Variants in MAP1LC3B observed in about 807,000 individuals in gnomAD.
The protein encoded by MAP1LC3B is microtubule-associated protein 1 light chain 3 beta.
MAP1LC3B carries 12 observed loss-of-function variants against 16.7 expected under a neutral mutation model. The observed-to-expected ratio is 0.72, with a 90% CI of 0.46 to 1.16. The LOEUF (loss-of-function observed/expected upper bound fraction) is 1.16, where lower values mean the gene tolerates loss of function less well. Ranked by LOEUF, MAP1LC3B falls within the 50% of genes most tolerant of loss-of-function variation. The pLI is 0.00. For missense variants in MAP1LC3B, 155 were observed against 159.5 expected, an observed-to-expected ratio of 0.97 and a Z score of 0.15; for synonymous variants, 63 against 56.5, an observed-to-expected ratio of 1.11 and a Z score of -0.51.
chr16:87,397,001 T>C (rs1257689078), intron 1 of MAP1LC3B: 1 of 152,082 alleles, frequency 6.6e-6, no homozygotes, highest in East Asian at 1.9e-4. Context: ...CTCATTTTTG[T>C]ATTTTTAGTA....
chr16:87,392,516 C>T (rs1907620219), intron 1 of MAP1LC3B, 49 bp downstream of exon 1: 2 of 1,268,828 alleles, frequency 1.6e-6, no homozygotes, highest in Admixed American at 4.3e-5. Flanking sequence ...GGGGTCCGAG[C>T]TGTGGAGGGC....
chr16:87,393,603 C>T (rs562506337), intron 1 of MAP1LC3B, among the ~76,000 whole-genome samples: 2 of 152,304 alleles, frequency 1.3e-5, no homozygotes, highest in South Asian at 2.1e-4. Context: ...TTCAGACAGC[C>T]TCTTGAGGCA....
chr16:87,402,089 C>T (rs1908014256), intron 2 of MAP1LC3B, 86 bp from the exon 3 acceptor site: 2 of 1,337,538 alleles, frequency 1.5e-6, no homozygotes, highest in Middle Eastern at 2.2e-4. Context: ...CCCGCCTCGG[C>T]CTCCCAAAAT....
intron 1 of MAP1LC3B, among the ~76,000 whole-genome samples, chr16:87,395,263 G>C (rs1907758019): frequency 6.6e-6 from 1 of 152,178 alleles, no homozygotes; most frequent in Non-Finnish European, 1.5e-5. Context: ...ATCTGGGGAA[G>C]CAGGTTAGAT....
intron 2 of MAP1LC3B, chr16:87,399,610 A>G (rs753155649): frequency 2.2e-6 from 1 of 455,512 alleles, no homozygotes; most frequent in African/African-American, 2.0e-5. Flanking sequence ...TGGAAGAATT[A>G]CTGTATATAG....
Position 87,392,369 on chromosome 16 carries a change from C to T in MAP1LC3B, c.-59C>T, listed in dbSNP as rs1034936557. On this transcript the variant is annotated 5_prime_UTR_variant, in exon 1 of 4. Coordinates refer to ENST00000268607, the MANE Select transcript of MAP1LC3B (RefSeq NM_022818.5). The stretch of plus-strand genomic sequence containing the variant: ...ATTCGCCGCCGCAGCAGCCGCCGCC[C>T]CCGGGAGCCGCCGGGACCCTCGCGT... 16 of 1,378,876 alleles carry T rather than the reference C, an allele frequency of 1.2e-5. No individual in the cohort carries two copies. The highest frequency in any genetic ancestry group is 9.3e-5 in the East Asian group (3 of 32,100). 85.4% of individuals were successfully genotyped at this position (1,378,876 alleles called of 1,614,324 possible). A position where few individuals can be genotyped will look rare whatever the true frequency, so the allele number is the denominator to read the frequency against.
At chr16:87,401,002 G>C (rs553312040) in intron 2 of MAP1LC3B, among the ~76,000 whole-genome samples, 1 of 151,824 alleles carries the variant, frequency 6.6e-6, no homozygotes, top group Non-Finnish European at 1.5e-5. Flanking sequence ...GCGTGGTGGC[G>C]GGTGCCTGTA....
chr16:87,395,852 C>CTTTTT (rs72388667), intron 1 of MAP1LC3B, among the ~76,000 whole-genome samples: 1 of 53,834 alleles, frequency 1.9e-5, no homozygotes, highest in Non-Finnish European at 3.2e-5. Flanking sequence ...TCCTTCTTTC[C>CTTTTT]TTTTTTTTTT....
At chr16:87,398,086 A>G (rs1465697205) in intron 1 of MAP1LC3B, among the ~76,000 whole-genome samples, 1 of 151,484 alleles carries the variant, frequency 6.6e-6, no homozygotes. Context: ...GCAGTGGTGC[A>G]ATGTCCGCTC....
chr16:87,404,019 TCC>T lies in MAP1LC3B; in HGVS notation c.*923_*924del, dbSNP rs1436491605. 4.6e-5 allele frequency: 7 copies of T among 152,110 alleles called. No individual in the cohort carries two copies. The highest frequency in any genetic ancestry group is 8.8e-5 in the Non-Finnish European group (6 of 68,018). 9.4% of individuals were successfully genotyped at this position (152,110 alleles called of 1,614,324 possible). On this transcript the variant is annotated 3_prime_UTR_variant, in exon 4 of 4. Transcript: ENST00000268607. Reference sequence around the variant, plus strand: ...CCTTCCGGCTTAAAGCTGTGGATGATCCACGTTTTTGTTTTTTTAATGTTAAA... The same window carrying T: ...CCTTCCGGCTTAAAGCTGTGGATGATACGTTTTTGTTTTTTTAATGTTAAA...
intron 1 of MAP1LC3B, among the ~76,000 whole-genome samples, chr16:87,396,531 T>G (rs1907813040): frequency 6.6e-6 from 1 of 152,126 alleles, no homozygotes; most frequent in Non-Finnish European, 1.5e-5. Flanking sequence ...TTTAGATTTA[T>G]TAGGATAAGC....
intron 2 of MAP1LC3B, among the ~76,000 whole-genome samples, chr16:87,401,776 G>T (rs1406955780): frequency 6.6e-6 from 1 of 151,574 alleles, no homozygotes; most frequent in African/African-American, 2.4e-5. Context: ...GTGATCTGCT[G>T]GCCTCACCCT....
intron 1 of MAP1LC3B, among the ~76,000 whole-genome samples, chr16:87,393,470 AAG>A (rs1191306956): frequency 1.3e-5 from 2 of 152,166 alleles, no homozygotes; most frequent in African/African-American, 4.8e-5. Context: ...GGAGTCTAGA[AAG>A]AGTTTAGCAT....
rs778084073 is a variant in MAP1LC3B, at chr16:87,402,994, C to G, written c.275C>G (p.Ser92Cys). The G allele has an allele frequency of 1.3e-5, 21 of 1,613,890 alleles. No individual in the cohort carries two copies. The highest frequency in any genetic ancestry group is 1.8e-5 in the Non-Finnish European group (21 of 1,179,936). ...AACGGACACAGCATGGTCAGCGTCT[C>G]CACACCAATCTCAGAGGTGTATGAG... ...LVNGHSMVSV[S>C]TPISEVYESE... The change falls in exon 4 of 4, where the codon TCC becomes TGC. Residue 92 changes from serine (S) to cysteine (C), a missense_variant. By Grantham distance (112) the Ser-to-Cys change is moderately radical. Coordinates refer to ENST00000268607, the MANE Select transcript of MAP1LC3B (RefSeq NM_022818.5).
intron 3 of MAP1LC3B, chr16:87,402,601 CTG>C (rs1159360678): frequency 1.4e-4 from 77 of 534,004 alleles, no homozygotes; most frequent in African/African-American, 4.4e-4. Context: ...AATGTAGACT[CTG>C]TGAGTGGCAG....
At position 87,402,235 on chromosome 16, in the gene MAP1LC3B, C is replaced by T. The variant is rs149663518; in HGVS notation, c.157C>T (p.Leu53Phe). 1.2e-6 allele frequency: 2 copies of T among 1,614,032 alleles called. No homozygotes were observed. Among genetic ancestry groups the T allele is most frequent in the Non-Finnish European group, 1.7e-6 (2 of 1,180,026 alleles). The change falls in exon 3 of 4, where the codon CTT becomes TTT. Residue 53 changes from leucine (L) to phenylalanine (F), a missense_variant. Physicochemically the swap from Leu to Phe is conservative, Grantham distance 22 (BLOSUM62 0). Coordinates refer to ENST00000268607, the MANE Select transcript of MAP1LC3B (RefSeq NM_022818.5). ...QLPVLDKTKF[L>F]VPDHVNMSEL... Reference sequence around the variant, plus strand: ...TCCTGTTCTGGATAAAACAAAGTTCCTTGTACCTGACCATGTCAACATGAG... The same window carrying T: ...TCCTGTTCTGGATAAAACAAAGTTCTTTGTACCTGACCATGTCAACATGAG...
At position 87,404,190 on chromosome 16, in the gene MAP1LC3B, C is replaced by A. The variant is rs1266294546; in HGVS notation, c.*1093C>A. 2.0e-5 allele frequency: 3 copies of A among 152,206 alleles called. No homozygotes were observed. Among genetic ancestry groups the A allele is most frequent in the African/African-American group, 7.2e-5 (3 of 41,444 alleles). The allele number at this position is 152,206 out of a possible 1,614,324, so 9.4% of individuals were successfully genotyped here. A position where few individuals can be genotyped will look rare whatever the true frequency, so the allele number is the denominator to read the frequency against. ...AGCAAAAAGAGCCGTACGCTCTTTA[C>A]AGATACTAATGTCAAGAGTTAAACC... On this transcript the variant is annotated 3_prime_UTR_variant, in exon 4 of 4. Transcript: ENST00000268607.
chr16:87,402,214 G>C lies in MAP1LC3B; in HGVS notation c.136G>C (p.Val46Leu). The C allele has an allele frequency of 1.2e-6, 2 of 1,614,114 alleles. No individual in the cohort carries two copies. The highest frequency in any genetic ancestry group is 3.3e-5 in the Admixed American group (2 of 60,014). ...ERYKGEKQLP[V>L]LDKTKFLVPD... is the part of the protein sequence containing the mutation. ...ATACAAGGGTGAGAAGCAGCTTCCT[G>C]TTCTGGATAAAACAAAGTTCCTTGT... is the stretch of plus-strand genomic sequence containing the variant. Residue 46 changes from valine (V) to leucine (L), a missense_variant, in exon 3 of 4, where the codon GTT becomes CTT. Val to Leu is a conservative substitution (Grantham distance 32). Coordinates refer to ENST00000268607, the MANE Select transcript of MAP1LC3B (RefSeq NM_022818.5).
intron 1 of MAP1LC3B, chr16:87,396,951 C>G (rs1907829539): frequency 6.6e-6 from 1 of 152,152 alleles, no homozygotes; most frequent in Admixed American, 6.5e-5. Flanking sequence ...CCTCAGCCTC[C>G]CTAGTAGCTG....
Sources: gnomAD v4.1 joint callset for allele counts (sites outside exome capture counted in the v4.1 genomes callset) on GRCh38, gnomAD v4.1.1 for gene constraint, MANE v1.5 for transcripts, NCBI Gene and HGNC (gene_info 2026-07-23, HGNC 2026-07-21) for gene names.